Variants in CYP19A1 observed in about 807,000 individuals in gnomAD.
CYP19A1 encodes cytochrome P450 family 19 subfamily A member 1, also known as aromatase.
A neutral mutation model predicts 44.4 loss-of-function variants in CYP19A1; 32 were observed. The observed-to-expected ratio is 0.72, with a 90% confidence interval of 0.54 to 0.97. CYP19A1 has a LOEUF of 0.97. Ranked by LOEUF, CYP19A1 falls within the 50% of genes least tolerant of loss-of-function variation. CYP19A1 has a pLI of 0.00. For missense variants in CYP19A1, 598 were observed against 637.8 expected (o/e 0.94, Z 0.67); for synonymous variants, 212 against 215.6 (o/e 0.98, Z 0.14).
In CYP19A1 at chr15:51,325,387, C is replaced by A. The variant is rs1758999126; in HGVS notation, c.-39+13108G>T. ...TTGCAGCCCATAGATATTCGCCTCC[C>A]CTGCCACCCACTTTTTCTGCTCTAG... On this transcript the variant is annotated intron_variant, in intron 1 of 9. Coordinates refer to ENST00000396402, the MANE Select transcript of CYP19A1 (RefSeq NM_000103.4). Among the ~76,000 whole-genome samples the A allele has an allele frequency of 2.0e-5, 3 of 152,242 alleles. No individual in the cohort carries two copies. In the South Asian group the frequency reaches 6.2e-4, roughly 32 times the overall value.
At chr15:51,286,189 C>A (rs1249721414) in intron 1 of CYP19A1, among the ~76,000 whole-genome samples, 1 of 152,164 alleles carries the variant, frequency 6.6e-6, no homozygotes, top group African/African-American at 2.4e-5. Context: ...CTGGATCGCC[C>A]CTTCTCTCCC....
At chr15:51,328,151 A>G (rs1225323427) in intron 1 of CYP19A1, among the ~76,000 whole-genome samples, 1 of 152,236 alleles carries the variant, frequency 6.6e-6, no homozygotes, top group African/African-American at 2.4e-5. Context: ...ATGGTGAACA[A>G]TCTTCATAAA....
intron 1 of CYP19A1, among the ~76,000 whole-genome samples, chr15:51,325,608 G>A (rs1270077668): frequency 6.6e-6 from 1 of 152,186 alleles, no homozygotes; most frequent in Non-Finnish European, 1.5e-5. Flanking sequence ...GGGAGGCCGA[G>A]GTGGGCGGAT....
At chr15:51,279,281 T>C (rs1423820416) in intron 1 of CYP19A1, among the ~76,000 whole-genome samples, 1 of 152,208 alleles carries the variant, frequency 6.6e-6, no homozygotes, top group African/African-American at 2.4e-5. Flanking sequence ...CTCAGCTTTA[T>C]TGGGAGGGCA....
chr15:51,327,619 G>T (rs2036631998), intron 1 of CYP19A1, among the ~76,000 whole-genome samples: 1 of 151,930 alleles, frequency 6.6e-6, no homozygotes, highest in Non-Finnish European at 1.5e-5. Context: ...AGGATCCAGG[G>T]TCCACAGGTC....
At chr15:51,319,110 C>G (rs1159063672) in intron 1 of CYP19A1, 1 of 152,154 alleles carries the variant, frequency 6.6e-6, no homozygotes, top group South Asian at 2.1e-4. Context: ...TCTGGCACAG[C>G]CTTCCTTCCC....
intron 1 of CYP19A1, among the ~76,000 whole-genome samples, chr15:51,284,151 A>G: frequency 6.6e-6 from 1 of 152,206 alleles, no homozygotes; most frequent in East Asian, 1.9e-4. Context: ...TGCTACCCTA[A>G]ACAAAACTAG....
chr15:51,237,444 C>T (rs35184730), intron 2 of CYP19A1, among the ~76,000 whole-genome samples: 2 of 152,142 alleles, frequency 1.3e-5, no homozygotes, highest in African/African-American at 2.4e-5. Context: ...GGTTTGAGTG[C>T]CCCGGTTGAC....
At chr15:51,223,241 C>T (rs1595683054) in intron 4 of CYP19A1, among the ~76,000 whole-genome samples, 2 of 150,532 alleles carry the variant, frequency 1.3e-5, no homozygotes, top group African/African-American at 4.9e-5. Flanking sequence ...GGCCTTCATA[C>T]ATATTTTTTC....
At chr15:51,240,567 G>A (rs1595709542) in intron 2 of CYP19A1, among the ~76,000 whole-genome samples, 1 of 152,158 alleles carries the variant, frequency 6.6e-6, no homozygotes. Flanking sequence ...AGGAGCTCAG[G>A]AGTATTGATC....
intron 1 of CYP19A1, among the ~76,000 whole-genome samples, chr15:51,276,403 C>T (rs59861912): frequency 6.6e-6 from 1 of 152,344 alleles, no homozygotes; most frequent in East Asian, 1.9e-4. Flanking sequence ...CAAAGAACCA[C>T]TGCAAAAACT....
intron 1 of CYP19A1, among the ~76,000 whole-genome samples, chr15:51,292,282 C>T (rs1197032958): frequency 6.6e-6 from 1 of 152,188 alleles, no homozygotes; most frequent in Non-Finnish European, 1.5e-5. Flanking sequence ...ACTTTAGTGG[C>T]AACCGTTTTA....
chr15:51,329,697 T>C (rs79293675), intron 1 of CYP19A1, among the ~76,000 whole-genome samples: 4 of 152,174 alleles, frequency 2.6e-5, no homozygotes, highest in African/African-American at 9.7e-5. Flanking sequence ...GGAAGCAAGA[T>C]CTCAGAAAGA....
chr15:51,268,930 T>C (rs923286531), intron 1 of CYP19A1, among the ~76,000 whole-genome samples: 2 of 152,188 alleles, frequency 1.3e-5, no homozygotes, highest in African/African-American at 4.8e-5. Flanking sequence ...TTTTAATATA[T>C]ATATATTCTG....
intron 1 of CYP19A1, among the ~76,000 whole-genome samples, chr15:51,258,591 T>C (rs1355145106): frequency 1.3e-5 from 2 of 151,816 alleles, no homozygotes; most frequent in Non-Finnish European, 2.9e-5. Flanking sequence ...AGGATCCACT[T>C]TGGAAAAGGC....
At chr15:51,229,062 A>G (rs1472882514) in intron 3 of CYP19A1, among the ~76,000 whole-genome samples, 1 of 151,926 alleles carries the variant, frequency 6.6e-6, no homozygotes, top group African/African-American at 2.4e-5. Context: ...TTCCCAGAGG[A>G]CTCTAGACCA....
intron 1 of CYP19A1, among the ~76,000 whole-genome samples, chr15:51,330,140 G>A (rs1195662410): frequency 6.6e-6 from 1 of 152,176 alleles, no homozygotes; most frequent in African/African-American, 2.4e-5. Context: ...TGAGGCACAA[G>A]GGCGGAATGG....
chr15:51,325,567 C>T (rs1275255391), intron 1 of CYP19A1, among the ~76,000 whole-genome samples: 1 of 152,138 alleles, frequency 6.6e-6, no homozygotes, highest in Non-Finnish European at 1.5e-5. Flanking sequence ...AGGCCAGGCG[C>T]CATGGCTCAT....
rs757861093 is a variant in CYP19A1, at chr15:51,210,656, C to A, written c.*152G>T. The A allele has an allele frequency of 5.3e-6, 4 of 761,618 alleles. No individual in the cohort carries two copies. In the South Asian group the frequency reaches 5.5e-5, roughly 10 times the overall value. 47.2% of individuals were successfully genotyped at this position (761,618 alleles called of 1,614,324 possible). A position where few individuals can be genotyped will look rare whatever the true frequency, so the allele number is the denominator to read the frequency against. Reference sequence around the variant, plus strand: ...AACAGGAGCAGATGACAAATAGCACCTAGCTTGGTGACAACCCATAGGAGG... The same window carrying A: ...AACAGGAGCAGATGACAAATAGCACATAGCTTGGTGACAACCCATAGGAGG... On this transcript the variant is annotated 3_prime_UTR_variant, in exon 10 of 10. Transcript: ENST00000396402.
Sources: gnomAD v4.1 joint callset for allele counts (sites outside exome capture counted in the v4.1 genomes callset) on GRCh38, gnomAD v4.1.1 for gene constraint, MANE v1.5 for transcripts, NCBI Gene and HGNC (gene_info 2026-07-23, HGNC 2026-07-21) for gene names.